The following GALNTL6 variants were observed in gnomAD, a reference collection of about 807,000 sequenced individuals.
GALNTL6 encodes the protein polypeptide N-acetylgalactosaminyltransferase like 6.
A neutral mutation model predicts 73.7 loss-of-function variants in GALNTL6; 46 were observed. The ratio of observed to expected loss-of-function variants is 0.62; its 90% CI spans 0.49 to 0.80. GALNTL6 has a LOEUF of 0.80. Among genes scored for constraint, GALNTL6 ranks in the 30% least tolerant of loss-of-function variants. GALNTL6 has a pLI of 0.00. For synonymous variants in GALNTL6, 259 were observed against 263.7 expected, an observed-to-expected ratio of 0.98 and a Z score of 0.17; for missense variants, 604 against 755.0, an observed-to-expected ratio of 0.80 and a Z score of 2.34.
chr4:173,035,247 C>A (rs1448794920), intron 12 of GALNTL6, among the ~76,000 whole-genome samples: 1 of 149,776 alleles, frequency 6.7e-6, no homozygotes, highest in Admixed American at 6.7e-5. Flanking sequence ...GGCGCAATCT[C>A]GGCTCACCGC....
intron 2 of GALNTL6, among the ~76,000 whole-genome samples, chr4:171,864,640 G>C (rs1457014945): frequency 2.0e-5 from 3 of 152,062 alleles, no homozygotes; most frequent in East Asian, 3.9e-4. Flanking sequence ...AATAAAGCTA[G>C]GTTTTGGCTT....
chr4:172,552,957 T>G (rs1306528083), intron 5 of GALNTL6, among the ~76,000 whole-genome samples: 1 of 152,026 alleles, frequency 6.6e-6, no homozygotes, highest in Non-Finnish European at 1.5e-5. Context: ...TATGGTTAGA[T>G]TAAATACACA....
chr4:172,236,717 ATTTTATTTTG>A (rs1737256154), intron 3 of GALNTL6, among the ~76,000 whole-genome samples: 1 of 151,450 alleles, frequency 6.6e-6, no homozygotes, highest in South Asian at 2.1e-4. Context: ...CAGTTATTTT[ATTTTATTTTG>A]TTTTACTTTT....
intron 2 of GALNTL6, among the ~76,000 whole-genome samples, chr4:172,123,614 GC>G (rs1240577292): frequency 6.9e-6 from 1 of 144,988 alleles, no homozygotes. Context: ...TGATTCTCCT[GC>G]CTCAGCCTCC....
intron 2 of GALNTL6, among the ~76,000 whole-genome samples, chr4:172,112,089 C>A (rs115138815): frequency 1.4e-4 from 21 of 152,076 alleles, no homozygotes; most frequent in African/African-American, 4.8e-4. Flanking sequence ...CCCTGGAAAC[C>A]AATAATCTTT....
intron 2 of GALNTL6, among the ~76,000 whole-genome samples, chr4:172,140,329 G>A (rs1276065013): frequency 6.6e-5 from 10 of 151,872 alleles, no homozygotes; most frequent in Admixed American, 6.6e-4. Context: ...ACAGATATAT[G>A]GTATTTTGTA....
intron 3 of GALNTL6, among the ~76,000 whole-genome samples, chr4:172,282,738 G>A (rs532459742): frequency 1.3e-5 from 2 of 151,954 alleles, no homozygotes; most frequent in African/African-American, 4.8e-5. Context: ...GGATTAGGGT[G>A]ATGGCGATGG....
intron 5 of GALNTL6, among the ~76,000 whole-genome samples, chr4:172,388,728 A>G (rs971604883): frequency 6.6e-6 from 1 of 152,090 alleles, no homozygotes; most frequent in Non-Finnish European, 1.5e-5. Context: ...TACTAAAACC[A>G]TAATATTGAT....
At chr4:172,761,687 C>CTG (rs1181945225) in intron 5 of GALNTL6, among the ~76,000 whole-genome samples, 1 of 151,758 alleles carries the variant, frequency 6.6e-6, no homozygotes, top group African/African-American at 2.4e-5. Context: ...CTCTCTCTCT[C>CTG]TCTCTCTCTT....
chr4:172,183,794 CTTT>C (rs33972396), intron 2 of GALNTL6, among the ~76,000 whole-genome samples: 5 of 134,604 alleles, frequency 3.7e-5, no homozygotes, highest in Admixed American at 7.6e-5. Context: ...CTGTTGAAGA[CTTT>C]TTTTTTTTTT....
At chr4:172,077,631 A>C (rs1350342245) in intron 2 of GALNTL6, among the ~76,000 whole-genome samples, 1 of 152,210 alleles carries the variant, frequency 6.6e-6, no homozygotes. Flanking sequence ...ATTATTTGAA[A>C]CTGGAACTTA....
chr4:172,470,315 T>C (rs1732999098), intron 5 of GALNTL6, among the ~76,000 whole-genome samples: 2 of 152,162 alleles, frequency 1.3e-5, no homozygotes, highest in Admixed American at 6.5e-5. Flanking sequence ...AGGTCACACT[T>C]AACTAGTGCA....
chr4:171,967,714 T>G (rs888253596), intron 2 of GALNTL6, among the ~76,000 whole-genome samples: 1 of 152,204 alleles, frequency 6.6e-6, no homozygotes, highest in Non-Finnish European at 1.5e-5. Flanking sequence ...AAATTTATAC[T>G]CATTTCGTGA....
At chr4:172,513,296 C>T (rs1734490308) in intron 5 of GALNTL6, among the ~76,000 whole-genome samples, 1 of 151,974 alleles carries the variant, frequency 6.6e-6, no homozygotes, top group Non-Finnish European at 1.5e-5. Context: ...CCTTTATTTC[C>T]AGAAGTTGTG....
At chr4:172,685,775 A>T (rs535472501) in intron 5 of GALNTL6, among the ~76,000 whole-genome samples, 6 of 152,294 alleles carry the variant, frequency 3.9e-5, no homozygotes, top group South Asian at 2.1e-4. Flanking sequence ...TAGAAAAAAA[A>T]ATATCCCTAT....
intron 2 of GALNTL6, among the ~76,000 whole-genome samples, chr4:171,816,513 G>T (rs780695459): frequency 6.6e-6 from 1 of 151,940 alleles, no homozygotes; most frequent in East Asian, 1.9e-4. Flanking sequence ...GAGAATTTTC[G>T]TATACTGTAG....
intron 5 of GALNTL6, among the ~76,000 whole-genome samples, chr4:172,778,823 T>A (rs953038010): frequency 6.6e-6 from 1 of 152,186 alleles, no homozygotes; most frequent in African/African-American, 2.4e-5. Context: ...CTCCTGGAAC[T>A]TCCTCCAGGT....
chr4:172,744,840 CGT>C (rs3084334), intron 5 of GALNTL6, among the ~76,000 whole-genome samples: 29,719 of 149,304 alleles, frequency 0.2, 3,322 homozygotes, highest in Middle Eastern at 0.32. Context: ...AGTGCGCGTG[CGT>C]GTGTGTGTGT....
intron 2 of GALNTL6, among the ~76,000 whole-genome samples, chr4:172,034,723 T>C (rs1392465707): frequency 1.3e-5 from 2 of 151,998 alleles, no homozygotes; most frequent in African/African-American, 4.8e-5. Context: ...ATGATAATTA[T>C]GCAAAAAAGA....
Sources: gnomAD v4.1 joint callset for allele counts (sites outside exome capture counted in the v4.1 genomes callset) on GRCh38, gnomAD v4.1.1 for gene constraint, MANE v1.5 for transcripts, NCBI Gene and HGNC (gene_info 2026-07-23, HGNC 2026-07-21) for gene names.